The following STAM variants were observed in gnomAD, a reference collection of about 807,000 sequenced individuals.
STAM encodes signal transducing adapter molecule 1.
A neutral mutation model predicts 63.4 loss-of-function variants in STAM; 16 were observed. The ratio of observed to expected loss-of-function variants is 0.25; its 90% CI spans 0.17 to 0.38. The LOEUF is 0.38. Among genes scored for constraint, STAM ranks in the 10% least tolerant of loss-of-function variants. The pLI is 1.00. For missense variants in STAM, 636 were observed against 657.1 expected, an observed-to-expected ratio of 0.97 and a Z score of 0.35; for synonymous variants, 238 against 223.9, an observed-to-expected ratio of 1.06 and a Z score of -0.56.
In STAM at chr10:17,689,643, A is replaced by G. The variant is rs114164157; in HGVS notation, c.444+1470A>G. On this transcript the variant is annotated intron_variant, in intron 5 of 13. Coordinates refer to ENST00000377524, the MANE Select transcript of STAM (RefSeq NM_003473.4). ...CCAAGACATTATACATTCCTTGACA[A>G]CAGAAACAATGTTTATTTATCAAAG... 4.6e-3 allele frequency among the ~76,000 whole-genome samples: 701 copies of G among 152,348 alleles called. 6 individuals are homozygous for G. The highest frequency in any genetic ancestry group is 0.016 in the African/African-American group (678 of 41,580).
chr10:17,649,824 G>T (rs989894190), intron 1 of STAM, among the ~76,000 whole-genome samples: 7 of 152,064 alleles, frequency 4.6e-5, no homozygotes, highest in African/African-American at 1.7e-4. Flanking sequence ...TATTGGCCAG[G>T]CTGGTCTTGA....
At chr10:17,669,688 TTTTC>T (rs752712609) in intron 2 of STAM, among the ~76,000 whole-genome samples, 4 of 151,300 alleles carry the variant, frequency 2.6e-5, no homozygotes, top group East Asian at 1.9e-4. Flanking sequence ...TTTCCCTTCT[TTTTC>T]TTTCTTTCTT....
intron 1 of STAM, among the ~76,000 whole-genome samples, chr10:17,649,514 G>T (rs1833654295): frequency 6.6e-6 from 1 of 150,902 alleles, no homozygotes; most frequent in African/African-American, 2.4e-5. Flanking sequence ...ATTATCTTTT[G>T]TGTGGAATAT....
In STAM at chr10:17,716,287, G is replaced by T. The variant is rs1255565072; in HGVS notation, c.*1507G>T. The stretch of plus-strand genomic sequence containing the variant: ...CTTGTTTATTTTCTTTTTGAGAGAA[G>T]ATTAAATCTTTAGCCAGTAATCTTA... On this transcript the variant is annotated 3_prime_UTR_variant, in exon 14 of 14. Coordinates refer to ENST00000377524, the MANE Select transcript of STAM (RefSeq NM_003473.4). 6.6e-6 allele frequency among the ~76,000 whole-genome samples: 1 copy of T among 151,888 alleles called. No homozygotes were observed. Among genetic ancestry groups the T allele is most frequent in the Non-Finnish European group, 1.5e-5 (1 of 67,912 alleles).
chr10:17,674,793 A>G (rs1378871488), intron 2 of STAM, among the ~76,000 whole-genome samples: 2 of 152,210 alleles, frequency 1.3e-5, no homozygotes, highest in African/African-American at 4.8e-5. Flanking sequence ...TGGAATACAT[A>G]ATTTGCCTGA....
chr10:17,688,277 A>G (rs1835378117), intron 5 of STAM, 104 bp downstream of exon 5: 4 of 1,203,014 alleles, frequency 3.3e-6, no homozygotes, highest in Non-Finnish European at 4.5e-6. Flanking sequence ...TTACTACTTC[A>G]GAGGAATTTT....
chr10:17,650,841 G>A (rs1022435992), intron 1 of STAM, among the ~76,000 whole-genome samples: 3 of 152,030 alleles, frequency 2.0e-5, no homozygotes, highest in Admixed American at 6.6e-5. Flanking sequence ...CGAGGTGGGC[G>A]GATTATGAGG....
In STAM at chr10:17,688,128, G is replaced by A; in HGVS notation, c.399G>A (p.Lys133=). The part of the protein sequence containing the change: ...PQLSLISAMI[K]NLKEQGVTFP... ...TTAGTCTAATATCAGCAATGATTAA[G>A]AACCTTAAGGAACAAGGAGTTACGT... Residue 133 remains lysine (K), a synonymous_variant, in exon 5 of 14, where the codon AAG becomes AAA. Transcript: ENST00000377524. 6.3e-7 allele frequency: 1 copy of A among 1,593,192 alleles called. No homozygotes were observed. The highest frequency in any genetic ancestry group is 8.5e-7 in the Non-Finnish European group (1 of 1,170,486).
In STAM at chr10:17,714,968, G is replaced by T. The variant is rs782267135; in HGVS notation, c.*188G>T. 3.5e-6 allele frequency: 2 copies of T among 572,098 alleles called. No homozygotes were observed. Among genetic ancestry groups the T allele is most frequent in the Non-Finnish European group, 3.1e-6 (1 of 324,106 alleles). 35.4% of individuals were successfully genotyped at this position (572,098 alleles called of 1,614,324 possible). A position where few individuals can be genotyped will look rare whatever the true frequency, so the allele number is the denominator to read the frequency against. ...ACTTTTTAGAGGTTCTTCCCCCCCC[G>T]CCCCTGCAGAGGAATGAAACTACTT... On this transcript the variant is annotated 3_prime_UTR_variant, in exon 14 of 14. Transcript: ENST00000377524.
chr10:17,695,279 G>A, intron 7 of STAM, 38 bp downstream of exon 7: 4 of 1,571,666 alleles, frequency 2.5e-6, no homozygotes, highest in South Asian at 2.3e-5. Context: ...GTATGAAAGT[G>A]TGTATGGCTT....
chr10:17,703,551 A>C (rs149926713), intron 9 of STAM, among the ~76,000 whole-genome samples: 1 of 152,172 alleles, frequency 6.6e-6, no homozygotes, highest in African/African-American at 2.4e-5. Flanking sequence ...AGTAGTGGTC[A>C]TGGTAAAGTA....
chr10:17,679,199 A>G (rs2131619765), intron 2 of STAM, among the ~76,000 whole-genome samples: 1 of 152,272 alleles, frequency 6.6e-6, no homozygotes. Flanking sequence ...CAAGGGTTCT[A>G]ATTTCACTAC....
chr10:17,687,026 A>C (rs1011881073), intron 4 of STAM, among the ~76,000 whole-genome samples: 3 of 152,230 alleles, frequency 2.0e-5, no homozygotes, highest in Non-Finnish European at 4.4e-5. Flanking sequence ...TATTTTAATG[A>C]ACTGGCCAGG....
intron 2 of STAM, among the ~76,000 whole-genome samples, chr10:17,681,843 C>T (rs1227597011): frequency 6.6e-6 from 1 of 152,216 alleles, no homozygotes; most frequent in Non-Finnish European, 1.5e-5. Flanking sequence ...ATGTTTTGAA[C>T]ACTGAATGAG....
At chr10:17,683,749 A>G (rs1306385603) in intron 2 of STAM, among the ~76,000 whole-genome samples, 1 of 152,074 alleles carries the variant, frequency 6.6e-6, no homozygotes, top group African/African-American at 2.4e-5. Flanking sequence ...TAATTTCATC[A>G]TCTTTGTTAT....
chr10:17,688,131 C>T lies in STAM; in HGVS notation c.402C>T (p.Asn134=). 2 of 1,593,316 alleles carry T rather than the reference C, an allele frequency of 1.3e-6. No individual in the cohort carries two copies. The highest frequency in any genetic ancestry group is 1.7e-6 in the Non-Finnish European group (2 of 1,170,186). ...QLSLISAMIK[N]LKEQGVTFPA... ...GTCTAATATCAGCAATGATTAAGAACCTTAAGGAACAAGGAGTTACGTTCC... is the reference window on the plus strand; with the variant it reads ...GTCTAATATCAGCAATGATTAAGAATCTTAAGGAACAAGGAGTTACGTTCC... Residue 134 remains asparagine, a synonymous_variant, in exon 5 of 14, where the codon AAC becomes AAT. Coordinates refer to ENST00000377524, the MANE Select transcript of STAM (RefSeq NM_003473.4).
At position 17,659,621 on chromosome 10, in the gene STAM, AC is replaced by A. The variant is rs538023690; in HGVS notation, c.41-841del. Among the ~76,000 whole-genome samples the A allele has an allele frequency of 2.8e-4, 43 of 151,906 alleles. No individual in the cohort carries two copies. The East Asian group carries it at 8.3e-3, about 29-fold the overall frequency. On this transcript the variant is annotated intron_variant, in intron 1 of 13. Transcript: ENST00000377524. The stretch of plus-strand genomic sequence containing the variant: ...GTAGCTGGGAATACAGGTGCATGCC[AC>A]CAGGCCCAGCTAATTATTTTTTTAA...
rs782168633 is a variant in STAM, at chr10:17,684,861, C to A, written c.231C>A (p.Gly77=). ...TLLGACVSNC[G]KIFHLEVCSR... ...TAGGAGCATGTGTATCAAACTGTGG[C>A]AAAATTTTTCATTTAGAAGTATGTT... is the stretch of plus-strand genomic sequence containing the variant. Residue 77 remains glycine, a synonymous_variant, in exon 4 of 14, where the codon GGC becomes GGA. Coordinates refer to ENST00000377524, the MANE Select transcript of STAM (RefSeq NM_003473.4). 1.2e-6 allele frequency: 2 copies of A among 1,613,868 alleles called. No homozygotes were observed. Among genetic ancestry groups the A allele is most frequent in the Non-Finnish European group, 1.7e-6 (2 of 1,179,882 alleles).
chr10:17,714,922 A>C lies in STAM; in HGVS notation c.*142A>C. The C allele has an allele frequency of 1.2e-6, 1 of 805,620 alleles. No homozygotes were observed. Among genetic ancestry groups the C allele is most frequent in the Non-Finnish European group, 2.0e-6 (1 of 500,158 alleles). The allele number at this position is 805,620 out of a possible 1,614,324, so 49.9% of individuals were successfully genotyped here. A position where few individuals can be genotyped will look rare whatever the true frequency, so the allele number is the denominator to read the frequency against. On this transcript the variant is annotated 3_prime_UTR_variant, in exon 14 of 14. Transcript: ENST00000377524. Reference sequence around the variant, plus strand: ...CAGGTTCAAATATTCAAGAAGGTAGAACTCTCCTCAATTTACACTGACTTT... The same window carrying C: ...CAGGTTCAAATATTCAAGAAGGTAGCACTCTCCTCAATTTACACTGACTTT...
Sources: gnomAD v4.1 joint callset for allele counts (sites outside exome capture counted in the v4.1 genomes callset) on GRCh38, gnomAD v4.1.1 for gene constraint, MANE v1.5 for transcripts, NCBI Gene and HGNC (gene_info 2026-07-23, HGNC 2026-07-21) for gene names.